PRR5L: variants seen among roughly 807,000 people sequenced by gnomAD.
PRR5L encodes proline rich 5 like.
In PRR5L, 21 loss-of-function variants were observed where a neutral mutation model predicts 36.4. The observed-to-expected ratio is 0.58, with a 90% confidence interval of 0.41 to 0.83. PRR5L has a LOEUF of 0.83. PRR5L is among the 40% of genes least tolerant of loss of function. The probability of loss-of-function intolerance (pLI) is 0.00; values close to 1 mark genes in which losing one functional copy is unlikely to be tolerated. For synonymous variants in PRR5L, 188 were observed against 197.0 expected (o/e 0.95, Z 0.38); for missense variants, 381 against 473.3 (o/e 0.80, Z 1.81).
chr11:36,443,050 C>T (rs983068551), intron 6 of PRR5L, among the ~76,000 whole-genome samples: 12 of 152,118 alleles, frequency 7.9e-5, no homozygotes, highest in African/African-American at 2.4e-4. Flanking sequence ...ATTGTTACAA[C>T]GGAATACCTG....
At chr11:36,365,850 G>A (rs954142178) in intron 1 of PRR5L, among the ~76,000 whole-genome samples, 2 of 152,212 alleles carry the variant, frequency 1.3e-5, no homozygotes, top group African/African-American at 4.8e-5. Context: ...GGAGAAAGAA[G>A]AGAGTTCTTT....
intron 1 of PRR5L, among the ~76,000 whole-genome samples, chr11:36,364,533 A>G (rs1486630407): frequency 6.6e-6 from 1 of 152,200 alleles, no homozygotes; most frequent in Admixed American, 6.5e-5. Flanking sequence ...GTCATGGAGA[A>G]TGAGCTTTGT....
At chr11:36,452,117 G>A (rs1456610774) in intron 8 of PRR5L, among the ~76,000 whole-genome samples, 3 of 152,106 alleles carry the variant, frequency 2.0e-5, no homozygotes, top group Admixed American at 6.5e-5. Context: ...AAATATAAAC[G>A]CTCAAAATGC....
chr11:36,452,612 C>T (rs560085422), intron 8 of PRR5L, among the ~76,000 whole-genome samples: 36 of 152,336 alleles, frequency 2.4e-4, no homozygotes, highest in Non-Finnish European at 2.9e-4. Flanking sequence ...TGCAGCCCCA[C>T]TCTGAGCTGG....
intron 8 of PRR5L, chr11:36,454,630 T>C (rs1442373863): frequency 6.6e-6 from 1 of 152,254 alleles, no homozygotes; most frequent in Non-Finnish European, 1.5e-5. Flanking sequence ...TTTTGGCGCG[T>C]AACTCATTCC....
chr11:36,382,479 T>A (rs552295126), intron 1 of PRR5L, among the ~76,000 whole-genome samples: 1 of 152,356 alleles, frequency 6.6e-6, no homozygotes, highest in South Asian at 2.1e-4. Context: ...ATGCATCACC[T>A]GGAGATCCTG....
At chr11:36,431,364 T>C (rs1002883944) in intron 4 of PRR5L, among the ~76,000 whole-genome samples, 2 of 152,220 alleles carry the variant, frequency 1.3e-5, no homozygotes, top group Non-Finnish European at 2.9e-5. Flanking sequence ...CAATTTCCCA[T>C]GCACACATTC....
At chr11:36,403,015 C>T (rs1158787135) in intron 2 of PRR5L, among the ~76,000 whole-genome samples, 1 of 152,196 alleles carries the variant, frequency 6.6e-6, no homozygotes. Flanking sequence ...CGATCAGATC[C>T]CACTGGCTGC....
chr11:36,357,627 A>G (rs550243379), intron 1 of PRR5L, among the ~76,000 whole-genome samples: 32 of 152,322 alleles, frequency 2.1e-4, no homozygotes, highest in Non-Finnish European at 4.3e-4. Context: ...TGTTAGGGAA[A>G]CAAGAAGTCC....
chr11:36,376,984 G>T (rs541561820), intron 1 of PRR5L, among the ~76,000 whole-genome samples: 2 of 152,294 alleles, frequency 1.3e-5, no homozygotes, highest in South Asian at 4.1e-4. Context: ...GCTCTTTAGG[G>T]TGGTTGAAGT....
At chr11:36,446,551 C>T in intron 7 of PRR5L, 111 bp downstream of exon 7, 1 of 1,309,412 alleles carries the variant, frequency 7.6e-7, no homozygotes, top group Non-Finnish European at 1.1e-6. Flanking sequence ...CTTAGCTTGG[C>T]TTACTACTAT....
intron 1 of PRR5L, among the ~76,000 whole-genome samples, chr11:36,320,035 A>T (rs1856597593): frequency 6.6e-6 from 1 of 152,118 alleles, no homozygotes; most frequent in Non-Finnish European, 1.5e-5. Flanking sequence ...GACAGGAAAA[A>T]GTTCCCATAT....
chr11:36,407,184 AT>A (rs199660048), intron 3 of PRR5L, among the ~76,000 whole-genome samples: 5 of 139,874 alleles, frequency 3.6e-5, no homozygotes, highest in Non-Finnish European at 6.0e-5. Context: ...TGCCCCATGA[AT>A]AGTGCTGTGT....
chr11:36,378,179 C>T (rs1261891168), intron 1 of PRR5L, among the ~76,000 whole-genome samples: 1 of 152,108 alleles, frequency 6.6e-6, no homozygotes, highest in Admixed American at 6.5e-5. Context: ...ACTGACAACA[C>T]GAAGCAGCTA....
chr11:36,299,728 G>A (rs180801666), intron 1 of PRR5L, among the ~76,000 whole-genome samples: 5 of 152,268 alleles, frequency 3.3e-5, no homozygotes, highest in East Asian at 1.9e-4. Context: ...AGCGAGTGGC[G>A]GGGAGGGGAG....
At chr11:36,454,875 A>G (rs1859019883) in intron 8 of PRR5L, 1 of 152,272 alleles carries the variant, frequency 6.6e-6, no homozygotes, top group African/African-American at 2.4e-5. Context: ...CGCTCTCTCC[A>G]AAGCAGCCAC....
intron 1 of PRR5L, among the ~76,000 whole-genome samples, chr11:36,359,382 A>G (rs540539260): frequency 4.2e-4 from 64 of 152,338 alleles, no homozygotes; most frequent in African/African-American, 1.4e-3. Flanking sequence ...TAGAGTCCAC[A>G]TTATATTTAT....
intron 3 of PRR5L, among the ~76,000 whole-genome samples, chr11:36,405,834 C>T (rs2133564124): frequency 6.6e-6 from 1 of 152,248 alleles, no homozygotes; most frequent in Middle Eastern, 3.4e-3. Context: ...ACTGTGTGTA[C>T]ACATGACCTC....
chr11:36,315,782 A>G (rs955498025), intron 1 of PRR5L, among the ~76,000 whole-genome samples: 4 of 152,236 alleles, frequency 2.6e-5, no homozygotes, highest in African/African-American at 9.6e-5. Flanking sequence ...TGATGTTGTA[A>G]AGGATATGCA....
Sources: allele counts gnomAD v4.1 joint callset (sites outside exome capture counted in the v4.1 genomes callset), GRCh38; gene constraint gnomAD v4.1.1; transcripts MANE v1.5; gene names NCBI Gene and HGNC (gene_info 2026-07-23, HGNC 2026-07-21).